CPEB3: variants seen among roughly 807,000 people sequenced by gnomAD.
CPEB3 encodes the protein cytoplasmic polyadenylation element-binding protein 3.
A neutral mutation model predicts 67.2 loss-of-function variants in CPEB3; 20 were observed. The observed-to-expected ratio is 0.30, with a 90% CI of 0.21 to 0.43. The LOEUF (loss-of-function observed/expected upper bound fraction) is 0.43, where lower values mean the gene tolerates loss of function less well. Ranked by LOEUF, CPEB3 falls within the 20% of genes least tolerant of loss-of-function variation. The pLI is 1.00. For missense variants in CPEB3, 746 were observed against 968.6 expected, an observed-to-expected ratio of 0.77 and a Z score of 3.05; for synonymous variants, 376 against 393.1, an observed-to-expected ratio of 0.96 and a Z score of 0.51.
intron 2 of CPEB3, among the ~76,000 whole-genome samples, chr10:92,232,837 G>T (rs1314346431): frequency 6.6e-6 from 1 of 151,856 alleles, no homozygotes; most frequent in Non-Finnish European, 1.5e-5. Context: ...TTTGTCAGAG[G>T]ATATCTAAAT....
intron 1 of CPEB3, among the ~76,000 whole-genome samples, chr10:92,258,020 G>A (rs1852599965): frequency 6.6e-6 from 1 of 151,696 alleles, no homozygotes; most frequent in African/African-American, 2.4e-5. Flanking sequence ...GTGAGTTATC[G>A]TGCCCGGCCT....
intron 1 of CPEB3, among the ~76,000 whole-genome samples, chr10:92,263,488 C>G (rs1852902875): frequency 6.6e-6 from 1 of 152,224 alleles, no homozygotes; most frequent in Non-Finnish European, 1.5e-5. Flanking sequence ...GGTCTAGAAT[C>G]TATACTTAAG....
intron 2 of CPEB3, among the ~76,000 whole-genome samples, chr10:92,227,597 C>A (rs1158920122): frequency 1.4e-5 from 2 of 142,384 alleles, no homozygotes; most frequent in Non-Finnish European, 3.1e-5. Context: ...TTATTTTTTT[C>A]TTTTTTTTTT....
intron 1 of CPEB3, among the ~76,000 whole-genome samples, chr10:92,251,200 T>C (rs1252584582): frequency 6.6e-6 from 1 of 152,114 alleles, no homozygotes; most frequent in Non-Finnish European, 1.5e-5. Context: ...ACCATCTAGG[T>C]TTGTGTAAGT....
At chr10:92,062,468 C>T (rs975588285) in intron 9 of CPEB3, among the ~76,000 whole-genome samples, 2 of 152,110 alleles carry the variant, frequency 1.3e-5, no homozygotes, top group African/African-American at 4.8e-5. Flanking sequence ...CAAGTGGATT[C>T]ACCCACATGA....
intron 4 of CPEB3, among the ~76,000 whole-genome samples, chr10:92,155,685 C>G (rs1049279634): frequency 6.6e-6 from 1 of 152,144 alleles, no homozygotes; most frequent in Non-Finnish European, 1.5e-5. Context: ...CTCTCTTCCT[C>G]TCTCTCTCAT....
intron 2 of CPEB3, among the ~76,000 whole-genome samples, chr10:92,228,289 A>T (rs551103132): frequency 6.6e-6 from 1 of 152,362 alleles, no homozygotes; most frequent in African/African-American, 2.4e-5. Context: ...TCCAAACATT[A>T]TCTCTCAGCC....
chr10:92,238,927 A>G (rs1851671454), intron 2 of CPEB3, among the ~76,000 whole-genome samples: 1 of 152,180 alleles, frequency 6.6e-6, no homozygotes, highest in Non-Finnish European at 1.5e-5. Flanking sequence ...GACCGCTTGC[A>G]GGCGGCACCC....
intron 1 of CPEB3, among the ~76,000 whole-genome samples, chr10:92,275,539 T>C (rs1841938231): frequency 6.6e-6 from 1 of 152,226 alleles, no homozygotes; most frequent in African/African-American, 2.4e-5. Flanking sequence ...AACAGCTTTA[T>C]GGAGCTATAA....
intron 1 of CPEB3, among the ~76,000 whole-genome samples, chr10:92,259,368 G>A (rs529608185): frequency 7.9e-4 from 120 of 152,060 alleles, no homozygotes; most frequent in Non-Finnish European, 1.5e-3. Flanking sequence ...TTGGGAAGCC[G>A]AGGTGGGCAG....
Position 92,192,491 on chromosome 10 carries a change from C to T in CPEB3, c.1151G>A (p.Arg384Lys). Residue 384 changes from arginine (R) to lysine (K), a missense_variant, in exon 3 of 10, where the codon AGG (arginine) becomes AAG (lysine). By Grantham distance (26) the Arg-to-Lys change is conservative. Around this residue, in one of 2 missense-constraint regions of CPEB3, gnomAD observed 643 missense variants for 717.5 expected, o/e 0.90. Coordinates refer to ENST00000265997, the MANE Select transcript of CPEB3 (RefSeq NM_014912.5). ...PPMSFADIMW[R>K]NHFAGRMGIN... Reference sequence around the variant, plus strand: ...ATATTCCTAACCTGCAAAATGATTCCTCCACATTATATCAGCGAAACTCAT... The same window carrying T: ...ATATTCCTAACCTGCAAAATGATTCTTCCACATTATATCAGCGAAACTCAT... 1 of 1,613,582 alleles carries T rather than the reference C, an allele frequency of 6.2e-7. No homozygotes were observed. The highest frequency in any genetic ancestry group is 8.5e-7 in the Non-Finnish European group (1 of 1,179,856).
intron 9 of CPEB3, among the ~76,000 whole-genome samples, chr10:92,057,891 T>A (rs1219015510): frequency 6.6e-6 from 1 of 152,226 alleles, no homozygotes; most frequent in Non-Finnish European, 1.5e-5. Context: ...TTACTGGGCA[T>A]GGGTGACCCC....
chr10:92,048,386 C>CACA lies in CPEB3; in HGVS notation c.*3825_*3826insTGT, dbSNP rs1852172877. On this transcript the variant is annotated 3_prime_UTR_variant, in exon 10 of 10. Transcript: ENST00000265997. This position sits in a 1 kb window ranked among gnomAD's most constrained non-coding sequence, Gnocchi z 4.1. Reference sequence around the variant, plus strand: ...TTTCTCTCTCTCTCTCTCTCTCTCTCTCACACACACACACACACACACGAC... The same window carrying CACA: ...TTTCTCTCTCTCTCTCTCTCTCTCTCACATCACACACACACACACACACACGAC... 19 of 25,560 alleles carry CACA rather than the reference C, an allele frequency of 7.4e-4. No individual in the cohort carries two copies. The highest frequency in any genetic ancestry group is 3.1e-3 in the South Asian group (1 of 324). 1.6% of individuals were successfully genotyped at this position (25,560 alleles called of 1,614,324 possible).
At chr10:92,257,515 CA>C (rs1852570243) in intron 1 of CPEB3, among the ~76,000 whole-genome samples, 1 of 152,042 alleles carries the variant, frequency 6.6e-6, no homozygotes, top group Non-Finnish European at 1.5e-5. Context: ...AGGCTGGTTT[CA>C]AACTCCTGGG....
intron 1 of CPEB3, among the ~76,000 whole-genome samples, chr10:92,262,697 A>AAAAT (rs1319838623): frequency 3.3e-5 from 5 of 152,154 alleles, no homozygotes; most frequent in South Asian, 2.1e-4. Flanking sequence ...AAATTTTTAA[A>AAAAT]AAATAAATAA....
At chr10:92,097,258 G>GT (rs1843924838) in intron 7 of CPEB3, among the ~76,000 whole-genome samples, 1 of 152,202 alleles carries the variant, frequency 6.6e-6, no homozygotes, top group South Asian at 2.1e-4. Context: ...TAATTCAAAT[G>GT]TTAAAAGTCA....
At chr10:92,248,681 AAAACC>A (rs1852168249) in intron 1 of CPEB3, among the ~76,000 whole-genome samples, 1 of 152,188 alleles carries the variant, frequency 6.6e-6, no homozygotes. Flanking sequence ...TATAAAATAG[AAAACC>A]ATTTTGGCTT....
intron 1 of CPEB3, among the ~76,000 whole-genome samples, chr10:92,263,994 A>G (rs1014708438): frequency 6.6e-6 from 1 of 152,120 alleles, no homozygotes; most frequent in Non-Finnish European, 1.5e-5. Flanking sequence ...AAAAGATGGA[A>G]GCTATCATTC....
In CPEB3 at chr10:92,146,701, G is replaced by A. The variant is rs557298732; in HGVS notation, c.1223-1616C>T. Reference sequence around the variant, plus strand: ...AAATAAGAAGACCAAATAATTTTTTGTTCAGTTTTCCCCAGCTTAGCTATA... The same window carrying A: ...AAATAAGAAGACCAAATAATTTTTTATTCAGTTTTCCCCAGCTTAGCTATA... On this transcript the variant is annotated intron_variant, in intron 4 of 9. Coordinates refer to ENST00000265997, the MANE Select transcript of CPEB3 (RefSeq NM_014912.5). Among the ~76,000 whole-genome samples, 17 of 152,178 alleles carry A rather than the reference G, an allele frequency of 1.1e-4. No individual in the cohort carries two copies. In the South Asian group the frequency reaches 1.5e-3, roughly 13 times the overall value.
Sources: allele counts gnomAD v4.1 joint callset (sites outside exome capture counted in the v4.1 genomes callset), GRCh38; gene constraint gnomAD v4.1.1; regional missense constraint gnomAD v4.1.1; non-coding constraint Gnocchi (gnomAD v3.1); transcripts MANE v1.5; gene names NCBI Gene and HGNC (gene_info 2026-07-23, HGNC 2026-07-21).